SPATA6L: variants seen among roughly 807,000 people sequenced by gnomAD.
SPATA6L encodes the protein spermatogenesis associated 6 like.
Under a neutral mutation model 49.2 loss-of-function variants are expected in SPATA6L, and 68 were observed. The observed-to-expected ratio is 1.38, with a 90% CI of 1.14 to 1.69. SPATA6L has a LOEUF of 1.69. Ranked by LOEUF, SPATA6L falls within the 40% of genes most tolerant of loss-of-function variation. The pLI is 0.00. For missense variants in SPATA6L, 668 were observed against 464.3 expected (o/e 1.44, Z -4.03); for synonymous variants, 198 against 165.7 (o/e 1.19, Z -1.50).
Position 4,666,340 on chromosome 9 carries a change from G to A in SPATA6L, c.-90C>T, listed in dbSNP as rs1047469943. 1 of 1,381,846 alleles carries A rather than the reference G, an allele frequency of 7.2e-7. No individual in the cohort carries two copies. The highest frequency in any genetic ancestry group is 1.0e-6 in the Non-Finnish European group (1 of 975,684). The allele number at this position is 1,381,846 out of a possible 1,614,324, so 85.6% of individuals were successfully genotyped here. A position where few individuals can be genotyped will look rare whatever the true frequency, so the allele number is the denominator to read the frequency against. On this transcript the variant is annotated 5_prime_UTR_variant, in exon 1 of 12. Coordinates refer to ENST00000682582, the MANE Select transcript of SPATA6L (RefSeq NM_001353486.2). The stretch of plus-strand genomic sequence containing the variant: ...TTTTCTTAGTTTAGCTGAATACCTA[G>A]AGCAAATGTTCCCAGAAGCTTCCCC...
chr9:4,609,157 G>C (rs952078738), intron 9 of SPATA6L, among the ~76,000 whole-genome samples: 3 of 151,542 alleles, frequency 2.0e-5, no homozygotes, highest in African/African-American at 7.3e-5. Flanking sequence ...ATAATCAATA[G>C]CTTACCAACC....
At chr9:4,628,148 CA>C (rs200412437) in intron 5 of SPATA6L, 13,734 of 148,846 alleles carry the variant, frequency 0.092, 794 homozygotes, top group Admixed American at 0.19. Context: ...TTAAAGGGCA[CA>C]AAAAAAAAAT....
At chr9:4,616,837 G>A (rs1046580265) in intron 9 of SPATA6L, among the ~76,000 whole-genome samples, 5 of 152,120 alleles carry the variant, frequency 3.3e-5, no homozygotes, top group Admixed American at 1.3e-4. Flanking sequence ...CACCCACCTT[G>A]GCCTCCCAAA....
chr9:4,626,767 G>C (rs1830429071), intron 5 of SPATA6L: 3 of 309,038 alleles, frequency 9.7e-6, no homozygotes, highest in Admixed American at 8.1e-5. Flanking sequence ...ACAGATTACA[G>C]TACTTCCATA....
intron 9 of SPATA6L, among the ~76,000 whole-genome samples, chr9:4,607,465 C>G (rs1237855824): frequency 6.6e-6 from 1 of 152,156 alleles, no homozygotes; most frequent in Non-Finnish European, 1.5e-5. Flanking sequence ...ACCCTACAAG[C>G]CAGAAGAGAG....
chr9:4,661,788 T>C (rs1330619099), intron 2 of SPATA6L, 111 bp downstream of exon 2: 4 of 1,180,116 alleles, frequency 3.4e-6, no homozygotes, highest in Admixed American at 6.4e-5. Flanking sequence ...TGCTTTCGGA[T>C]AATTTTTTTA....
At chr9:4,650,349 A>T (rs981655369) in intron 3 of SPATA6L, among the ~76,000 whole-genome samples, 1 of 152,182 alleles carries the variant, frequency 6.6e-6, no homozygotes, top group Non-Finnish European at 1.5e-5. Context: ...AATTTCATAA[A>T]GCTTAAAAAT....
rs369635294 is a variant in SPATA6L at position 4,661,908 on chromosome 9, T to C, written c.168A>G (p.Arg56=). The C allele has an allele frequency of 7.4e-6, 12 of 1,613,658 alleles. No individual in the cohort carries two copies. Among genetic ancestry groups the C allele is most frequent in the Non-Finnish European group, 1.0e-5 (12 of 1,179,708 alleles). Reference sequence around the variant, plus strand: ...AGAAAGTCAAGATCACCTTTTCAAATCTCATGCTCTCCTGAATCATAATGG... The same window carrying C: ...AGAAAGTCAAGATCACCTTTTCAAACCTCATGCTCTCCTGAATCATAATGG... ...AFPIMIQESM[R]FEKVFESAVD... Residue 56 remains arginine (R), a synonymous_variant, in exon 2 of 12, where the codon AGA becomes AGG. Transcript: ENST00000682582.
intron 3 of SPATA6L, among the ~76,000 whole-genome samples, chr9:4,655,799 C>T (rs1196484402): frequency 2.6e-5 from 4 of 152,156 alleles, no homozygotes; most frequent in Non-Finnish European, 5.9e-5. Flanking sequence ...GATTCACCCG[C>T]CTCGGCCTCC....
intron 1 of SPATA6L, 86 bp downstream of exon 1, chr9:4,666,126 G>C (rs2130824651): frequency 8.7e-7 from 1 of 1,145,910 alleles, no homozygotes; most frequent in East Asian, 2.3e-5. Context: ...GTAAGTGGGG[G>C]ATGTGGGGGA....
In SPATA6L at chr9:4,629,149, T is replaced by C. The variant is rs1274261034; in HGVS notation, c.371A>G (p.Glu124Gly). 1 of 1,609,192 alleles carries C rather than the reference T, an allele frequency of 6.2e-7. No individual in the cohort carries two copies. The highest frequency in any genetic ancestry group is 1.1e-5 in the South Asian group (1 of 90,774). ...TCTGATGGCTGTCCTTGTAGAAAAC[T>C]CTATTTTGGGAGCAATGCCCTATAA... ...LGFPGIAPKIEFSTRTAIREC... is the reference protein window; with the variant it reads ...LGFPGIAPKIGFSTRTAIREC... The change falls in exon 5 of 12, where the codon GAG becomes GGG. Residue 124 changes from glutamate (E) to glycine (G), a missense_variant. Coordinates refer to ENST00000682582, the MANE Select transcript of SPATA6L (RefSeq NM_001353486.2).
intron 9 of SPATA6L, chr9:4,617,272 A>AT (rs1476105817): frequency 1.3e-5 from 2 of 152,140 alleles, no homozygotes; most frequent in Non-Finnish European, 2.9e-5. Flanking sequence ...TATAAATATT[A>AT]TTTTCAGTGC....
At chr9:4,633,035 C>G (rs1288712762) in intron 4 of SPATA6L, 1 of 153,908 alleles carries the variant, frequency 6.5e-6, no homozygotes, top group African/African-American at 2.4e-5. Flanking sequence ...AGAGACGAAG[C>G]TGAATATTTC....
At chr9:4,625,180 C>G (rs1830104301) in intron 6 of SPATA6L, 147 bp downstream of exon 6, 2 of 1,359,456 alleles carry the variant, frequency 1.5e-6, no homozygotes, top group Non-Finnish European at 1.9e-6. Context: ...AGGAAATGAA[C>G]ATAATTTAAT....
chr9:4,641,234 G>A (rs755070914), intron 3 of SPATA6L, among the ~76,000 whole-genome samples: 4 of 151,822 alleles, frequency 2.6e-5, no homozygotes, highest in African/African-American at 4.8e-5. Context: ...AAATATATTC[G>A]TGTTTATATA....
chr9:4,659,597 T>C (rs553932391), intron 2 of SPATA6L, among the ~76,000 whole-genome samples: 91 of 152,290 alleles, frequency 6.0e-4, no homozygotes, highest in African/African-American at 2.0e-3. Context: ...AAAATGGCCA[T>C]ACTGCCCAGG....
At chr9:4,603,952 T>C (rs968996534) in intron 11 of SPATA6L, among the ~76,000 whole-genome samples, 1 of 152,146 alleles carries the variant, frequency 6.6e-6, no homozygotes, top group African/African-American at 2.4e-5. Flanking sequence ...TAAAGGGTGA[T>C]GTTGCGGGCA....
At chr9:4,604,805 A>C (rs919484162) in intron 10 of SPATA6L, among the ~76,000 whole-genome samples, 1 of 152,192 alleles carries the variant, frequency 6.6e-6, no homozygotes, top group Non-Finnish European at 1.5e-5. Flanking sequence ...GAGCAGGTGA[A>C]CTGCCACTTA....
chr9:4,625,344 G>T lies in SPATA6L; in HGVS notation c.652C>A (p.Pro218Thr), dbSNP rs574415067. Residue 218 changes from proline to threonine, a missense_variant, in exon 6 of 12, where the codon CCA becomes ACA. Pro to Thr is a conservative substitution (Grantham distance 38). Coordinates refer to ENST00000682582, the MANE Select transcript of SPATA6L (RefSeq NM_001353486.2). ...AGGCTCACGTGTCTAACAACAAATG[G>T]AGGCTTGCTTCCTCCAGAGATTTTG... is the stretch of plus-strand genomic sequence containing the variant. ...NFKISGGSKP[P>T]FVVRHVDSAK... The T allele has an allele frequency of 3.7e-6, 6 of 1,613,086 alleles. No individual in the cohort carries two copies. The South Asian group carries it at 6.6e-5, about 18-fold the overall frequency.
Sources: gnomAD v4.1 joint callset for allele counts (sites outside exome capture counted in the v4.1 genomes callset) on GRCh38, gnomAD v4.1.1 for gene constraint, MANE v1.5 for transcripts, NCBI Gene and HGNC (gene_info 2026-07-23, HGNC 2026-07-21) for gene names.